Variants in NAALADL2 observed in about 807,000 individuals in gnomAD.
The protein encoded by NAALADL2 is N-acetylated alpha-linked acidic dipeptidase like 2.
Under a neutral mutation model 87.2 loss-of-function variants are expected in NAALADL2, and 76 were observed. The observed-to-expected ratio is 0.87, with a 90% CI of 0.72 to 1.05. The LOEUF is 1.05. Among genes scored for constraint, NAALADL2 ranks in the 50% least tolerant of loss-of-function variants. The pLI, the probability that NAALADL2 is intolerant of heterozygous loss-of-function variation, is 0.00. For synonymous variants in NAALADL2, 354 were observed against 331.0 expected, an observed-to-expected ratio of 1.07 and a Z score of -0.75; for missense variants, 1,089 against 945.8, an observed-to-expected ratio of 1.15 and a Z score of -1.99.
chr3:175,046,182 G>A (rs1486321265), intron 1 of NAALADL2, among the ~76,000 whole-genome samples: 1 of 151,952 alleles, frequency 6.6e-6, no homozygotes, highest in Non-Finnish European at 1.5e-5. Context: ...CTATTTTCTA[G>A]GTCAGTGCTT....
At chr3:175,058,490 A>G (rs566534469) in intron 1 of NAALADL2, among the ~76,000 whole-genome samples, 2 of 152,338 alleles carry the variant, frequency 1.3e-5, no homozygotes, top group South Asian at 4.1e-4. Flanking sequence ...AACAAAATAT[A>G]ATCAAACAAT....
chr3:174,873,284 T>G (rs1267531115), intron 1 of NAALADL2, among the ~76,000 whole-genome samples: 4 of 151,614 alleles, frequency 2.6e-5, no homozygotes, highest in Non-Finnish European at 5.9e-5. Context: ...AGACGGAGTC[T>G]CGCTCTGTCG....
intron 11 of NAALADL2, among the ~76,000 whole-genome samples, chr3:175,653,483 A>G (rs1008213463): frequency 6.6e-6 from 1 of 152,148 alleles, no homozygotes; most frequent in African/African-American, 2.4e-5. Context: ...GATTTCCATC[A>G]AGTCTTCTGT....
chr3:175,417,600 A>G (rs1298791126), intron 5 of NAALADL2, among the ~76,000 whole-genome samples: 1 of 152,124 alleles, frequency 6.6e-6, no homozygotes, highest in Non-Finnish European at 1.5e-5. Context: ...CCACATCCCA[A>G]CATAAGCTTT....
intron 1 of NAALADL2, among the ~76,000 whole-genome samples, chr3:174,457,909 G>A (rs564590378): frequency 6.6e-6 from 1 of 152,152 alleles, no homozygotes; most frequent in East Asian, 1.9e-4. Context: ...AGTACCACAC[G>A]TTCTCACTTA....
chr3:175,627,832 T>C (rs1727203073), intron 11 of NAALADL2, among the ~76,000 whole-genome samples: 1 of 151,620 alleles, frequency 6.6e-6, no homozygotes, highest in South Asian at 2.1e-4. Flanking sequence ...GAAAGTAGAG[T>C]TGTATAATAA....
intron 1 of NAALADL2, among the ~76,000 whole-genome samples, chr3:174,942,045 G>A (rs1738684547): frequency 1.3e-5 from 2 of 152,048 alleles, no homozygotes; most frequent in Non-Finnish European, 2.9e-5. Flanking sequence ...CTGTCATGGT[G>A]TTGTTAGCTG....
At chr3:174,971,665 C>CTTTGTG (rs1553906940) in intron 1 of NAALADL2, among the ~76,000 whole-genome samples, 4 of 144,724 alleles carry the variant, frequency 2.8e-5, no homozygotes, top group Admixed American at 6.9e-5. Context: ...GTATGCTAGA[C>CTTTGTG]TGTGTGTGTG....
rs748809910 is a variant in NAALADL2, at chr3:175,463,385, AT to A, written c.1235-11del. 48 of 1,489,876 alleles carry A rather than the reference AT, an allele frequency of 3.2e-5. No individual in the cohort carries two copies. The Admixed American group carries it at 9.8e-4, about 30-fold the overall frequency. The allele number at this position is 1,489,876 out of a possible 1,614,324, so 92.3% of individuals were successfully genotyped here. On this transcript the variant is annotated splice_polypyrimidine_tract_variant and intron_variant, in intron 6 of 13. Transcript: ENST00000454872. ...AATATAAAGAAGCAAAAGTCTTTAA[AT>A]TTTTATTTTTTCAGAAATAAGAGTC...
At position 174,946,137 on chromosome 3, in the gene NAALADL2, A is replaced by G. The variant is rs191425773; in HGVS notation, c.43+86687A>G. Among the ~76,000 whole-genome samples the G allele has an allele frequency of 1.3e-4, 20 of 151,042 alleles. No homozygotes were observed. The East Asian group carries it at 3.5e-3, about 26-fold the overall frequency. On this transcript the variant is annotated intron_variant, in intron 1 of 13. Coordinates refer to ENST00000454872, the MANE Select transcript of NAALADL2 (RefSeq NM_207015.3). ...GACTATTCCTCTTGTTTATTTCTCT[A>G]TATATTTCTCCAATTCTTGCCAAGT... is the stretch of plus-strand genomic sequence containing the variant.
intron 2 of NAALADL2, among the ~76,000 whole-genome samples, chr3:174,608,745 G>C (rs569876945): frequency 0.51 from 70,569 of 137,490 alleles, 19,209 homozygotes; most frequent in Non-Finnish European, 0.59. Context: ...CAAGGAGGAA[G>C]TGGTACCATT....
intron 5 of NAALADL2, among the ~76,000 whole-genome samples, chr3:175,398,534 C>G (rs998310479): frequency 7.1e-6 from 1 of 141,144 alleles, no homozygotes; most frequent in Admixed American, 7.4e-5. Flanking sequence ...CCACTAAAAA[C>G]AACTATAAGG....
intron 2 of NAALADL2, among the ~76,000 whole-genome samples, chr3:175,158,670 T>G (rs1025608562): frequency 3.3e-5 from 5 of 152,060 alleles, no homozygotes; most frequent in African/African-American, 1.2e-4. Flanking sequence ...TCTTCTGAGC[T>G]CCAATGTTTA....
intron 1 of NAALADL2, among the ~76,000 whole-genome samples, chr3:174,489,124 A>C (rs935118323): frequency 1.8e-4 from 27 of 152,202 alleles, no homozygotes; most frequent in Admixed American, 9.2e-4. Context: ...GATTATGATA[A>C]TATGATATCT....
chr3:174,943,384 C>T (rs900022923), intron 1 of NAALADL2, among the ~76,000 whole-genome samples: 1 of 152,100 alleles, frequency 6.6e-6, no homozygotes, highest in Non-Finnish European at 1.5e-5. Context: ...TAGACTCTTG[C>T]TCAGTTGTGT....
chr3:175,604,763 G>A (rs943881782), intron 10 of NAALADL2, among the ~76,000 whole-genome samples: 1 of 152,118 alleles, frequency 6.6e-6, no homozygotes, highest in Non-Finnish European at 1.5e-5. Flanking sequence ...ATATGAATCA[G>A]TGAAAATTAA....
At chr3:174,727,272 C>A (rs1560176035) in intron 2 of NAALADL2, among the ~76,000 whole-genome samples, 1 of 128,448 alleles carries the variant, frequency 7.8e-6, no homozygotes, top group Non-Finnish European at 1.7e-5. Flanking sequence ...GAATTGAATT[C>A]CACTTTCTAA....
chr3:175,503,825 ATGAGACC>A (rs1379831124), intron 9 of NAALADL2, among the ~76,000 whole-genome samples: 2 of 152,188 alleles, frequency 1.3e-5, no homozygotes, highest in East Asian at 3.9e-4. Context: ...GATTCTGGAT[ATGAGACC>A]TTTGTTGGAT....
At chr3:174,936,764 T>C (rs1428259465) in intron 1 of NAALADL2, among the ~76,000 whole-genome samples, 2 of 152,190 alleles carry the variant, frequency 1.3e-5, no homozygotes, top group Non-Finnish European at 2.9e-5. Context: ...ATGTCAATAC[T>C]GATGCCTGTT....
Sources: allele counts gnomAD v4.1 joint callset (sites outside exome capture counted in the v4.1 genomes callset), GRCh38; gene constraint gnomAD v4.1.1; transcripts MANE v1.5; gene names NCBI Gene and HGNC (gene_info 2026-07-23, HGNC 2026-07-21).